IL1RAPL2: variants seen among roughly 807,000 people sequenced by gnomAD.
IL1RAPL2 encodes X-linked interleukin-1 receptor accessory protein-like 2.
A neutral mutation model predicts 44.1 loss-of-function variants in IL1RAPL2; 3 were observed. The ratio of observed to expected loss-of-function variants is 0.07; its 90% CI spans 0.03 to 0.18. The LOEUF is 0.18. IL1RAPL2 is among the 10% of genes least tolerant of loss of function. The pLI is 1.00. For synonymous variants in IL1RAPL2, 181 were observed against 178.8 expected (o/e 1.01, Z -0.10); for missense variants, 391 against 496.4 (o/e 0.79, Z 2.02).
At chrX:105,359,918 T>A (rs1055585808) in intron 5 of IL1RAPL2, among the ~76,000 whole-genome samples, 7 of 110,918 alleles carry the variant, frequency 6.3e-5, no homozygotes, top group Admixed American at 4.9e-4. Flanking sequence ...ATGTATGAGG[T>A]AACTGAAACT....
In IL1RAPL2 at chrX:104,920,791, C is replaced by T. The variant is rs192464379; in HGVS notation, c.82+261796C>T. 2.1e-4 allele frequency among the ~76,000 whole-genome samples: 23 copies of T among 109,863 alleles called. 1 individual carries two copies. The highest frequency in any genetic ancestry group is 1.5e-3 in the Admixed American group (15 of 10,306). ...TCCATTTACATACATTTTAAAAACA[C>T]TAAAAAAGGAGAGATTAAAGATGCT... On this transcript the variant is annotated intron_variant, in intron 2 of 10. Coordinates refer to ENST00000372582, the MANE Select transcript of IL1RAPL2 (RefSeq NM_017416.2).
chrX:104,989,187 T>A (rs1386745596), intron 2 of IL1RAPL2, among the ~76,000 whole-genome samples: 2 of 111,690 alleles, frequency 1.8e-5, no homozygotes, highest in Non-Finnish European at 3.8e-5. Context: ...ATCTTGAGCC[T>A]GGGCAGCAAA....
intron 5 of IL1RAPL2, among the ~76,000 whole-genome samples, chrX:105,435,779 A>G (rs2035877635): frequency 9.0e-6 from 1 of 111,291 alleles, no homozygotes; most frequent in Admixed American, 9.6e-5. Flanking sequence ...ATCCTCAGCA[A>G]ACTAAGACAG....
intron 5 of IL1RAPL2, among the ~76,000 whole-genome samples, chrX:105,449,661 C>G (rs1041785633): frequency 9.2e-6 from 1 of 109,012 alleles, no homozygotes; most frequent in Non-Finnish European, 1.9e-5. Flanking sequence ...GCAGGAGAAT[C>G]GCTTGAACCA....
At chrX:105,036,780 G>A (rs1256777741) in intron 2 of IL1RAPL2, among the ~76,000 whole-genome samples, 1 of 111,711 alleles carries the variant, frequency 9.0e-6, no homozygotes, top group Non-Finnish European at 1.9e-5. Flanking sequence ...TCTCAACAGT[G>A]ATGCACAAAA....
At chrX:104,821,275 C>T (rs913904986) in intron 2 of IL1RAPL2, among the ~76,000 whole-genome samples, 3 of 110,054 alleles carry the variant, frequency 2.7e-5, no homozygotes, top group Non-Finnish European at 3.8e-5. Context: ...CCTTAAGTTC[C>T]GCGATACATG....
At chrX:105,289,427 G>T (rs1454110268) in intron 5 of IL1RAPL2, among the ~76,000 whole-genome samples, 1 of 111,670 alleles carries the variant, frequency 9.0e-6, no homozygotes, top group Non-Finnish European at 1.9e-5. Flanking sequence ...AAGGACTGGA[G>T]CAGGGAGAGC....
intron 2 of IL1RAPL2, among the ~76,000 whole-genome samples, chrX:104,751,573 A>C (rs1932260087): frequency 9.0e-6 from 1 of 110,872 alleles, no homozygotes; most frequent in South Asian, 3.8e-4. Context: ...TATGACTCTA[A>C]CTCCAGGCAG....
At chrX:104,936,394 G>A (rs992148117) in intron 2 of IL1RAPL2, among the ~76,000 whole-genome samples, 5 of 111,023 alleles carry the variant, frequency 4.5e-5, no homozygotes, top group Admixed American at 9.7e-5. Flanking sequence ...AGTGTACTGG[G>A]TCCAACCTAA....
intron 1 of IL1RAPL2, among the ~76,000 whole-genome samples, chrX:104,577,277 A>C (rs944879233): frequency 8.9e-5 from 10 of 111,991 alleles, no homozygotes; most frequent in Non-Finnish European, 1.9e-4. Flanking sequence ...GCTTGGGGGA[A>C]AGAGGTCATT....
intron 6 of IL1RAPL2, among the ~76,000 whole-genome samples, chrX:105,625,759 C>A (rs1289881333): frequency 9.1e-6 from 1 of 110,082 alleles, no homozygotes; most frequent in African/African-American, 3.3e-5. Context: ...TACAGAGCTG[C>A]CTCTGAATAT....
intron 2 of IL1RAPL2, among the ~76,000 whole-genome samples, chrX:104,969,312 A>C (rs2147720301): frequency 9.0e-6 from 1 of 110,678 alleles, no homozygotes; most frequent in East Asian, 2.8e-4. Context: ...TCACTGGTTA[A>C]TACACGTTTA....
At chrX:105,425,282 T>G (rs1377685546) in intron 5 of IL1RAPL2, among the ~76,000 whole-genome samples, 1 of 110,293 alleles carries the variant, frequency 9.1e-6, no homozygotes, top group Admixed American at 9.7e-5. Context: ...ATCTTCTAAA[T>G]TAAGGACCTG....
chrX:105,338,395 G>A (rs2035045213), intron 5 of IL1RAPL2, among the ~76,000 whole-genome samples: 1 of 111,898 alleles, frequency 8.9e-6, no homozygotes, highest in Non-Finnish European at 1.9e-5. Flanking sequence ...CAAACATAGA[G>A]GCTGTTCCTA....
intron 2 of IL1RAPL2, among the ~76,000 whole-genome samples, chrX:104,890,499 G>A (rs901067386): frequency 7.1e-5 from 8 of 112,202 alleles, no homozygotes; most frequent in Middle Eastern, 4.6e-3. Flanking sequence ...TCTAACTGGT[G>A]TGAGATGGTA....
At chrX:104,828,236 G>T (rs1169277674) in intron 2 of IL1RAPL2, among the ~76,000 whole-genome samples, 2 of 112,275 alleles carry the variant, frequency 1.8e-5, no homozygotes, top group South Asian at 7.4e-4. Flanking sequence ...CAGCCTTTTT[G>T]TGCTGGCTTT....
chrX:105,221,849 T>C (rs1221976969), intron 3 of IL1RAPL2, among the ~76,000 whole-genome samples: 1 of 111,382 alleles, frequency 9.0e-6, no homozygotes, highest in African/African-American at 3.3e-5. Context: ...ATTTTTAAGT[T>C]ACCTACCCTT....
chrX:104,921,856 T>C (rs1924651019), intron 2 of IL1RAPL2, among the ~76,000 whole-genome samples: 1 of 111,906 alleles, frequency 8.9e-6, no homozygotes, highest in Non-Finnish European at 1.9e-5. Context: ...GTTGCCAGCA[T>C]TGAATACTGG....
At chrX:104,989,459 A>G (rs187849199) in intron 2 of IL1RAPL2, among the ~76,000 whole-genome samples, 1 of 111,713 alleles carries the variant, frequency 9.0e-6, no homozygotes, top group African/African-American at 3.3e-5. Flanking sequence ...AATTCTCATT[A>G]AATATTTTTT....
Sources: gnomAD v4.1 joint callset for allele counts (sites outside exome capture counted in the v4.1 genomes callset) on GRCh38, gnomAD v4.1.1 for gene constraint, MANE v1.5 for transcripts, NCBI Gene and HGNC (gene_info 2026-07-23, HGNC 2026-07-21) for gene names.